ZFP92: variants seen among roughly 807,000 people sequenced by gnomAD.
ZFP92 encodes ZFP92 zinc finger protein, also known as zinc finger protein 92 homolog.
In ZFP92, 2 loss-of-function variants were observed where a neutral mutation model predicts 7.6. The observed-to-expected ratio is 0.26, with a 90% CI of 0.11 to 0.83. The LOEUF (loss-of-function observed/expected upper bound fraction) is 0.83. Ranked by LOEUF, ZFP92 falls within the 40% of genes least tolerant of loss-of-function variation. ZFP92 has a pLI of 0.65. For missense variants in ZFP92, 324 were observed against 408.3 expected (o/e 0.79, Z 1.78); for synonymous variants, 226 against 183.6 (o/e 1.23, Z -1.87).
chrX:153,420,125 T>C (rs782538551), intron 4 of ZFP92, 103 bp from the exon 5 acceptor site: 2 of 628,089 alleles, frequency 3.2e-6, no homozygotes, highest in Non-Finnish European at 4.8e-6. Flanking sequence ...TTTAGAGAGT[T>C]CTTTATTCTC....
chrX:153,420,355 G>C, intron 5 of ZFP92, 23 bp downstream of exon 5: 2 of 1,129,792 alleles, frequency 1.8e-6, no homozygotes, highest in South Asian at 2.0e-5. Flanking sequence ...TGCTCAACCA[G>C]CTCCCCATCG....
intron 2 of ZFP92, among the ~76,000 whole-genome samples, chrX:153,416,960 C>G (rs142994908): frequency 9.3e-4 from 104 of 111,341 alleles, no homozygotes; most frequent in South Asian, 5.4e-3. Context: ...ACAATCAGCT[C>G]TCACAGAGCA....
rs1556974664 is a variant in ZFP92 at position 153,420,284 on chromosome X, T to C, written c.217T>C (p.Trp73Arg). Residue 73 changes from tryptophan (W) to arginine (R), a missense_variant, in exon 5 of 6, where the codon TGG (tryptophan) becomes CGG (arginine). Transcript: ENST00000338647. ...ISQLERGEGPWVADIPRTWAT... is the reference protein window; with the variant it reads ...ISQLERGEGPRVADIPRTWAT... Reference sequence around the variant, plus strand: ...CCAATTGGAACGAGGGGAAGGACCCTGGGTAGCAGACATCCCCAGAACCTG... The same window carrying C: ...CCAATTGGAACGAGGGGAAGGACCCCGGGTAGCAGACATCCCCAGAACCTG... The C allele has an allele frequency of 3.4e-6, 4 of 1,165,995 alleles. No individual in the cohort carries two copies. Among genetic ancestry groups the C allele is most frequent in the Non-Finnish European group, 1.1e-6 (1 of 872,616 alleles).
chrX:153,421,560 G>A lies in ZFP92; in HGVS notation c.1183G>A (p.Ala395Thr), dbSNP rs1556975271. ...AGPGSTGPGS[A>T]VAATSPPRPS... ...CCCTGGGAGCACCGGCCCTGGGAGC[G>A]CGGTGGCGGCCACCAGCCCCCCGCG... Residue 395 changes from alanine (A) to threonine (T), a missense_variant, in exon 6 of 6, where the codon GCG becomes ACG. By Grantham distance (58) the Ala-to-Thr change is moderately conservative (BLOSUM62 0). Transcript: ENST00000338647. The A allele has an allele frequency of 9.3e-7, 1 of 1,074,467 alleles. No homozygotes were observed. The highest frequency in any genetic ancestry group is 2.3e-5 in the South Asian group (1 of 43,291). 88.5% of individuals were successfully genotyped at this position (1,074,467 alleles called of 1,213,427 possible).
intron 4 of ZFP92, among the ~76,000 whole-genome samples, chrX:153,419,400 C>T: frequency 8.9e-6 from 1 of 112,695 alleles, no homozygotes; most frequent in East Asian, 2.8e-4. Flanking sequence ...GAGTCACAGG[C>T]TAGACGGATG....
Position 153,421,647 on chromosome X carries a change from A to G in ZFP92, c.*19A>G. 2.1e-6 allele frequency: 2 copies of G among 952,107 alleles called. No homozygotes were observed. The highest frequency in any genetic ancestry group is 2.6e-6 in the Non-Finnish European group (2 of 765,372). 78.5% of individuals were successfully genotyped at this position (952,107 alleles called of 1,213,427 possible). A position where few individuals can be genotyped will look rare whatever the true frequency, so the allele number is the denominator to read the frequency against. On this transcript the variant is annotated 3_prime_UTR_variant, in exon 6 of 6. Coordinates refer to ENST00000338647, the MANE Select transcript of ZFP92 (RefSeq NM_001136273.2). ...CCGCTGACTCCCCGCCAGCGCACCC[A>G]GGGCGCGGCCGGTCTGCGTGGGGGG...
Position 153,421,529 on chromosome X carries a change from A to AGCGGGCCCTGGGAGC in ZFP92, c.1153_1167dup (p.Ala385_Ser389dup). ...CGAAGGCGGAGACGGCGCGGAGGCT[A>AGCGGGCCCTGGGAGC]GCGGGCCCTGGGAGCACCGGCCCTG... On this transcript the variant is annotated inframe_insertion, in exon 6 of 6. Transcript: ENST00000338647. 2 of 1,129,049 alleles carry AGCGGGCCCTGGGAGC rather than the reference A, an allele frequency of 1.8e-6. No individual in the cohort carries two copies. The highest frequency in any genetic ancestry group is 3.7e-5 in the African/African-American group (2 of 53,970). 93.0% of individuals were successfully genotyped at this position (1,129,049 alleles called of 1,213,427 possible).
intron 2 of ZFP92, among the ~76,000 whole-genome samples, chrX:153,413,436 C>T (rs1271704574): frequency 9.3e-6 from 1 of 107,914 alleles, no homozygotes; most frequent in Non-Finnish European, 1.9e-5. Flanking sequence ...GGCTAAGGTC[C>T]GCAAGCAGGG....
At position 153,421,977 on chromosome X, in the gene ZFP92, T is replaced by C. The variant is rs1345283261; in HGVS notation, c.*349T>C. 1 of 142,484 alleles carries C rather than the reference T, an allele frequency of 7.0e-6. No homozygotes were observed. 11.7% of individuals were successfully genotyped at this position (142,484 alleles called of 1,213,427 possible). ...TCCCTGAGCCACAGGTACTATCGAGTGTGCACAGGCGTGCGTGGAGGGGAT... is the reference window on the plus strand; with the variant it reads ...TCCCTGAGCCACAGGTACTATCGAGCGTGCACAGGCGTGCGTGGAGGGGAT... On this transcript the variant is annotated 3_prime_UTR_variant, in exon 6 of 6. Transcript: ENST00000338647.
rs1197062187 is a variant in ZFP92 at position 153,420,869 on chromosome X, C to T, written c.492C>T (p.Ser164=). 2 of 1,186,675 alleles carry T rather than the reference C, an allele frequency of 1.7e-6. No individual in the cohort carries two copies. Among genetic ancestry groups the T allele is most frequent in the Non-Finnish European group, 2.3e-6 (2 of 883,079 alleles). ...CQQCGKAFSR[S]SNLIKHRIIH... ...AGTGTGGGAAGGCCTTCAGCCGCAG[C>T]TCCAACCTCATCAAGCACCGCATCA... The change falls in exon 6 of 6, where the codon AGC becomes AGT. Residue 164 remains serine (S), a synonymous_variant. Coordinates refer to ENST00000338647, the MANE Select transcript of ZFP92 (RefSeq NM_001136273.2).
rs1486395670 is a variant in ZFP92 at position 153,422,286 on chromosome X, G to A, written c.*658G>A. The stretch of plus-strand genomic sequence containing the variant: ...GGCTCCCTGAATGTTGGCATAGGAT[G>A]GGGGGCTGTGCCAGAAAACTCCCGC... On this transcript the variant is annotated 3_prime_UTR_variant, in exon 6 of 6. Transcript: ENST00000338647. The A allele has an allele frequency of 1.8e-5, 2 of 111,919 alleles. No homozygotes were observed. The highest frequency in any genetic ancestry group is 1.9e-5 in the Non-Finnish European group (1 of 53,166). 9.2% of individuals were successfully genotyped at this position (111,919 alleles called of 1,213,427 possible).
At chrX:153,420,050 C>T (rs1383213612) in intron 4 of ZFP92, among the ~76,000 whole-genome samples, 178 bp from the exon 5 acceptor site, 2 of 112,523 alleles carry the variant, frequency 1.8e-5, no homozygotes, top group East Asian at 2.8e-4. Flanking sequence ...TGGCCCTGGA[C>T]GCGCAGGAGC....
chrX:153,411,614 AG>A lies in ZFP92; in HGVS notation c.-154del, dbSNP rs2088907344. On this transcript the variant is annotated 5_prime_UTR_variant, in exon 1 of 6. Transcript: ENST00000338647. ...GCGTTTCCTGGGGACGCGGCCTCGG[AG>A]GGCTTCTAGGAGGAGGCGGCGGCCT... Among the ~76,000 whole-genome samples the A allele has an allele frequency of 8.9e-6, 1 of 112,436 alleles. No individual in the cohort carries two copies. Among genetic ancestry groups the A allele is most frequent in the South Asian group, 3.6e-4 (1 of 2,768 alleles).
In ZFP92 at chrX:153,421,421, C is replaced by T. The variant is rs1027914956; in HGVS notation, c.1044C>T (p.Tyr348=). ...GCGTGCACAGCGGTGAGAAGCCCTACGAGTGCAGCGACTGCGGCAAGGCCT... is the reference window on the plus strand; with the variant it reads ...GCGTGCACAGCGGTGAGAAGCCCTATGAGTGCAGCGACTGCGGCAAGGCCT... ...HRRVHSGEKP[Y]ECSDCGKAFG... Residue 348 remains tyrosine, a synonymous_variant, in exon 6 of 6, where the codon TAC becomes TAT. Coordinates refer to ENST00000338647, the MANE Select transcript of ZFP92 (RefSeq NM_001136273.2). The T allele has an allele frequency of 9.5e-6, 11 of 1,153,491 alleles. No homozygotes were observed. The highest frequency in any genetic ancestry group is 1.3e-5 in the Non-Finnish European group (11 of 870,870).
Position 153,420,303 on chromosome X carries a change from G to T in ZFP92, c.236G>T (p.Arg79Ile). Residue 79 changes from arginine (R) to isoleucine (I), a missense_variant, in exon 5 of 6, where the codon AGA becomes ATA. Physicochemically the swap from Arg to Ile is moderately conservative, Grantham distance 97. Transcript: ENST00000338647. ...GGACCCTGGGTAGCAGACATCCCCA[G>T]AACCTGGGCCACCGCAGGATTGCAC... ...GEGPWVADIP[R>I]TWATAGLHIG... The T allele has an allele frequency of 1.7e-6, 2 of 1,167,318 alleles. No individual in the cohort carries two copies. The highest frequency in any genetic ancestry group is 1.9e-5 in the South Asian group (1 of 52,647).
rs368766134 is a variant in ZFP92, at chrX:153,411,787, G to A, written c.-68+84G>A. Among the ~76,000 whole-genome samples the A allele has an allele frequency of 1.1e-4, 12 of 112,610 alleles. 1 individual carries two copies. The South Asian group carries it at 4.4e-3, about 41-fold the overall frequency. ...GCAGGGTGCAGGTGTCGAGGGGGACGAGGGAGCTGCGGCGGCGGCGACAAG... is the reference window on the plus strand; with the variant it reads ...GCAGGGTGCAGGTGTCGAGGGGGACAAGGGAGCTGCGGCGGCGGCGACAAG... On this transcript the variant is annotated intron_variant, in intron 1 of 5. Transcript: ENST00000338647.
At chrX:153,418,574 T>C (rs2088974042) in intron 3 of ZFP92, 99 bp from the exon 4 acceptor site, 1 of 1,104,843 alleles carries the variant, frequency 9.1e-7, no homozygotes. Context: ...TGCTGAGCCT[T>C]CCAGGGCTCC....
rs2088987802 is a variant in ZFP92 at position 153,420,322 on chromosome X, A to T, written c.255A>T (p.Gly85=). 1 of 1,164,761 alleles carries T rather than the reference A, an allele frequency of 8.6e-7. No homozygotes were observed. Among genetic ancestry groups the T allele is most frequent in the Non-Finnish European group, 1.1e-6 (1 of 871,175 alleles). ...ADIPRTWATA[G]LHIGDRTQSK... Reference sequence around the variant, plus strand: ...TCCCCAGAACCTGGGCCACCGCAGGATTGCACATAGGTGAGTGAGAGGTGC... The same window carrying T: ...TCCCCAGAACCTGGGCCACCGCAGGTTTGCACATAGGTGAGTGAGAGGTGC... Residue 85 remains glycine, a synonymous_variant, in exon 5 of 6, where the codon GGA becomes GGT. Coordinates refer to ENST00000338647, the MANE Select transcript of ZFP92 (RefSeq NM_001136273.2).
At chrX:153,413,141 C>T (rs1203496397) in intron 2 of ZFP92, among the ~76,000 whole-genome samples, 1 of 110,927 alleles carries the variant, frequency 9.0e-6, no homozygotes, top group African/African-American at 3.3e-5. Flanking sequence ...ACGGAAGAAA[C>T]CCAACCAAAG....
Sources: allele counts gnomAD v4.1 joint callset (sites outside exome capture counted in the v4.1 genomes callset), GRCh38; gene constraint gnomAD v4.1.1; transcripts MANE v1.5; gene names NCBI Gene and HGNC (gene_info 2026-07-23, HGNC 2026-07-21).